The following TTLL12 variants were observed in gnomAD, a reference collection of about 807,000 sequenced individuals.
TTLL12 encodes tubulin--tyrosine ligase-like protein 12.
A neutral mutation model predicts 79.6 loss-of-function variants in TTLL12; 77 were observed. The ratio of observed to expected loss-of-function variants is 0.97; its 90% CI spans 0.81 to 1.17. TTLL12 has a LOEUF of 1.17. Among genes scored for constraint, TTLL12 ranks in the 50% most tolerant of loss-of-function variants. TTLL12 has a pLI of 0.00. For missense variants in TTLL12, 969 were observed against 895.9 expected (o/e 1.08, Z -1.04); for synonymous variants, 437 against 376.1 (o/e 1.16, Z -1.87).
In TTLL12 at chr22:43,168,877, C is replaced by T. The variant is rs1276501617; in HGVS notation, c.1680G>A (p.Gln560=). The change falls in exon 13 of 14, where the codon CAG becomes CAA. Residue 560 remains glutamine, a synonymous_variant. Coordinates refer to ENST00000216129, the MANE Select transcript of TTLL12 (RefSeq NM_015140.4). ...EIFRAFTELF[Q]VACAKPPPLG... is the part of the protein sequence containing the mutation. ...GGGGTGGTGGCTTGGCACAGGCCACCTGGAACAGCTCCGTGAAGGCCCGGA... is the reference window on the plus strand; with the variant it reads ...GGGGTGGTGGCTTGGCACAGGCCACTTGGAACAGCTCCGTGAAGGCCCGGA... 3 of 1,611,252 alleles carry T rather than the reference C, an allele frequency of 1.9e-6. No individual in the cohort carries two copies. The highest frequency in any genetic ancestry group is 2.5e-6 in the Non-Finnish European group (3 of 1,179,152).
rs1931842842 is a variant in TTLL12, at chr22:43,174,259, C to T, written c.1179G>A (p.Leu393=). ...GPPWLPRTFN[L]RTELPQFVSY... is the part of the protein sequence containing the mutation. Reference sequence around the variant, plus strand: ...TGACAAACTGGGGCAGCTCAGTGCGCAGGTTGAAGGTTCGGGGCAGCCAGG... The same window carrying T: ...TGACAAACTGGGGCAGCTCAGTGCGTAGGTTGAAGGTTCGGGGCAGCCAGG... Residue 393 remains leucine, a synonymous_variant, in exon 8 of 14, where the codon CTG becomes CTA. Transcript: ENST00000216129. The T allele has an allele frequency of 6.2e-7, 1 of 1,609,824 alleles. No homozygotes were observed. Among genetic ancestry groups the T allele is most frequent in the Non-Finnish European group, 8.5e-7 (1 of 1,179,878 alleles).
At chr22:43,180,073 A>G in intron 3 of TTLL12, 73 bp from the exon 4 acceptor site, 6 of 1,477,938 alleles carry the variant, frequency 4.1e-6, no homozygotes, top group Non-Finnish European at 5.4e-6. Context: ...GAACCCAGAC[A>G]TCGACCACCA....
intron 12 of TTLL12, among the ~76,000 whole-genome samples, chr22:43,169,264 A>G (rs932088275): frequency 6.6e-6 from 1 of 152,200 alleles, no homozygotes; most frequent in Admixed American, 6.5e-5. Flanking sequence ...TGGCTGTCCC[A>G]GGGGTGCCCC....
Position 43,168,870 on chromosome 22 carries a change from AGGCCACCT to A in TTLL12, c.1679_1686del (p.Gln560LeufsTer51). 1.2e-6 allele frequency: 2 copies of A among 1,610,754 alleles called. No individual in the cohort carries two copies. The highest frequency in any genetic ancestry group is 1.7e-6 in the Non-Finnish European group (2 of 1,178,912). The stretch of plus-strand genomic sequence containing the variant: ...AGGCCCAGGGGTGGTGGCTTGGCAC[AGGCCACCT>A]GGAACAGCTCCGTGAAGGCCCGGAA... On this transcript the variant is annotated frameshift_variant, in exon 13 of 14. Transcript: ENST00000216129. LOFTEE classifies it high-confidence loss of function.
rs1931940614 is a variant in TTLL12 at position 43,177,323 on chromosome 22, C to CA, written c.841-928dup. Among the ~76,000 whole-genome samples, 5 of 152,090 alleles carry CA rather than the reference C, an allele frequency of 3.3e-5. No individual in the cohort carries two copies. The South Asian group carries it at 8.3e-4, about 25-fold the overall frequency. On this transcript the variant is annotated intron_variant, in intron 5 of 13. Coordinates refer to ENST00000216129, the MANE Select transcript of TTLL12 (RefSeq NM_015140.4). ...ATTGGAAATGGCAGTTAGCTAGGAT[C>CA]ATGCCACTGTACTCTAGCCTGGACA...
intron 5 of TTLL12, among the ~76,000 whole-genome samples, chr22:43,178,063 T>C (rs549864437): frequency 6.6e-6 from 1 of 152,306 alleles, no homozygotes; most frequent in African/African-American, 2.4e-5. Context: ...GACCAGGAAG[T>C]GTTTGTCCCT....
At position 43,173,789 on chromosome 22, in the gene TTLL12, G is replaced by C. The variant is rs1318515990; in HGVS notation, c.1267C>G (p.Leu423Val). 21 of 1,604,954 alleles carry C rather than the reference G, an allele frequency of 1.3e-5. No individual in the cohort carries two copies. The highest frequency in any genetic ancestry group is 1.8e-5 in the Non-Finnish European group (21 of 1,179,944). ...DNHWICKPWNLARSLDTHVTK... is the reference protein window; with the variant it reads ...DNHWICKPWNVARSLDTHVTK... Reference sequence around the variant, plus strand: ...ACGTGGGTGTCCAGGCTGCGCGCCAGGTTCCAGGGCTTGCAGATCCAGTGG... The same window carrying C: ...ACGTGGGTGTCCAGGCTGCGCGCCACGTTCCAGGGCTTGCAGATCCAGTGG... The change falls in exon 9 of 14, where the codon CTG becomes GTG. Residue 423 changes from leucine (L) to valine (V), a missense_variant. Coordinates refer to ENST00000216129, the MANE Select transcript of TTLL12 (RefSeq NM_015140.4).
At chr22:43,174,457 A>G (rs2269525) in intron 7 of TTLL12, 42 bp downstream of exon 7, 417,332 of 1,575,906 alleles carry the variant, frequency 0.26, 57,944 homozygotes, top group African/African-American at 0.48. Context: ...AGTGCCTAGA[A>G]GCCCTGACTG....
intron 3 of TTLL12, among the ~76,000 whole-genome samples, chr22:43,180,250 T>A (rs138946): frequency 6.6e-6 from 1 of 151,968 alleles, no homozygotes; most frequent in African/African-American, 2.4e-5. Flanking sequence ...AACAAGGCAC[T>A]CAGCCCAGCA....
At chr22:43,172,356 C>T (rs201357414) in intron 10 of TTLL12, 47 bp downstream of exon 10, 71 of 1,602,068 alleles carry the variant, frequency 4.4e-5, no homozygotes, top group African/African-American at 1.2e-4. Flanking sequence ...TACCTCCACC[C>T]GGTCACCCAG....
intron 5 of TTLL12, among the ~76,000 whole-genome samples, chr22:43,179,159 G>A (rs1473134504): frequency 6.6e-6 from 1 of 152,214 alleles, no homozygotes; most frequent in East Asian, 1.9e-4. Context: ...TGGGCCAGCT[G>A]GGTCCCTCGG....
At chr22:43,185,700 A>T (rs1281168520) in intron 1 of TTLL12, among the ~76,000 whole-genome samples, 1 of 152,196 alleles carries the variant, frequency 6.6e-6, no homozygotes, top group African/African-American at 2.4e-5. Context: ...TCCCCTTCCC[A>T]GATGGAGAAC....
chr22:43,174,667 G>T, intron 6 of TTLL12, 52 bp from the exon 7 acceptor site: 2 of 1,363,142 alleles, frequency 1.5e-6, no homozygotes, highest in Non-Finnish European at 2.0e-6. Flanking sequence ...GTCCAAGCGG[G>T]ACTCCAGCAC....
chr22:43,168,211 C>T, intron 13 of TTLL12, 52 bp from the exon 14 acceptor site: 1 of 1,589,016 alleles, frequency 6.3e-7, no homozygotes, highest in Non-Finnish European at 8.6e-7. Flanking sequence ...CTCCACTCTG[C>T]AGGGACAGTG....
chr22:43,177,282 T>C (rs978086679), intron 5 of TTLL12, among the ~76,000 whole-genome samples: 3 of 151,898 alleles, frequency 2.0e-5, no homozygotes, highest in African/African-American at 7.3e-5. Context: ...GGCAGGAGGA[T>C]TGCCTGAGCC....
chr22:43,171,963 G>A (rs886475122), intron 10 of TTLL12, 63 bp from the exon 11 acceptor site: 7 of 1,422,568 alleles, frequency 4.9e-6, no homozygotes, highest in Middle Eastern at 1.9e-4. Flanking sequence ...CGAGGGAGGT[G>A]CCACCCACTC....
intron 9 of TTLL12, among the ~76,000 whole-genome samples, chr22:43,173,165 A>G (rs1931809075): frequency 6.6e-6 from 1 of 152,126 alleles, no homozygotes; most frequent in African/African-American, 2.4e-5. Context: ...GTGTCCTGCA[A>G]TCCCAATACT....
chr22:43,167,865 G>T lies in TTLL12; in HGVS notation c.*143C>A. 9.4e-7 allele frequency: 1 copy of T among 1,066,678 alleles called. No individual in the cohort carries two copies. Among genetic ancestry groups the T allele is most frequent in the Non-Finnish European group, 1.4e-6 (1 of 737,706 alleles). The allele number at this position is 1,066,678 out of a possible 1,614,324, so 66.1% of individuals were successfully genotyped here. ...TGCTCCCGGAGTGTGGCGCCGGGAG[G>T]ATGGCTCGGCAGGACAGAGGCCTGG... On this transcript the variant is annotated 3_prime_UTR_variant, in exon 14 of 14. Coordinates refer to ENST00000216129, the MANE Select transcript of TTLL12 (RefSeq NM_015140.4).
chr22:43,170,114 C>G, intron 11 of TTLL12: 1 of 355,574 alleles, frequency 2.8e-6, no homozygotes, highest in Non-Finnish European at 5.5e-6. Context: ...AAAGAACAAG[C>G]CAGGAAAGGC....
Sources: allele counts gnomAD v4.1 joint callset (sites outside exome capture counted in the v4.1 genomes callset), GRCh38; gene constraint gnomAD v4.1.1; transcripts MANE v1.5; gene names NCBI Gene and HGNC (gene_info 2026-07-23, HGNC 2026-07-21).